The following ATG101 variants were observed in gnomAD, a reference collection of about 807,000 sequenced individuals.
The protein encoded by ATG101 is autophagy-related protein 101.
In ATG101, 6 loss-of-function variants were observed where a neutral mutation model predicts 16.7. The observed-to-expected ratio is 0.36, with a 90% CI of 0.20 to 0.71. The LOEUF is 0.71. Among genes scored for constraint, ATG101 ranks in the 30% least tolerant of loss-of-function variants. ATG101 has a pLI of 0.57. For synonymous variants in ATG101, 108 were observed against 118.1 expected (o/e 0.91, Z 0.56); for missense variants, 200 against 292.5 (o/e 0.68, Z 2.31).
chr12:52,073,939 A>C (rs1172041066), intron 3 of ATG101, 37 bp downstream of exon 3: 1 of 1,604,072 alleles, frequency 6.2e-7, no homozygotes, highest in Non-Finnish European at 8.5e-7. Context: ...AGGGTGTGGC[A>C]TAGCAGATGG....
intron 2 of ATG101, among the ~76,000 whole-genome samples, chr12:52,072,091 A>C (rs1939659180): frequency 6.6e-6 from 1 of 152,232 alleles, no homozygotes; most frequent in Admixed American, 6.5e-5. Flanking sequence ...ATAGCAGCTA[A>C]TACTTAGTGG....
intron 2 of ATG101, 80 bp downstream of exon 2, chr12:52,070,563 G>A (rs540004509): frequency 1.3e-5 from 2 of 152,512 alleles, no homozygotes; most frequent in Non-Finnish European, 2.9e-5. Flanking sequence ...GGACAAGAGG[G>A]ACGAGACTTT....
At chr12:52,070,759 C>G (rs938431584) in intron 2 of ATG101, 4 of 152,174 alleles carry the variant, frequency 2.6e-5, no homozygotes, top group African/African-American at 9.7e-5. Context: ...GCTTGGGGCA[C>G]AAGTGAGATG....
In ATG101 at chr12:52,076,923, C is replaced by G. The variant is rs377054371; in HGVS notation, c.390C>G (p.Ala130=). The change falls in exon 4 of 4, where the codon GCC becomes GCG. Residue 130 remains alanine, a synonymous_variant. Coordinates refer to ENST00000336854, the MANE Select transcript of ATG101 (RefSeq NM_021934.5). ...GGACGGTCAAGGTGCATGTGGTAGCCCTGGCCACGGAGCAGGAGCGGCAGA... is the reference window on the plus strand; with the variant it reads ...GGACGGTCAAGGTGCATGTGGTAGCGCTGGCCACGGAGCAGGAGCGGCAGA... ...EVWTVKVHVV[A]LATEQERQIC... The G allele has an allele frequency of 1.7e-5, 28 of 1,614,150 alleles. No individual in the cohort carries two copies. Among genetic ancestry groups the G allele is most frequent in the Middle Eastern group, 3.3e-4 (2 of 6,062 alleles).
At chr12:52,067,514 C>T (rs1032679253), upstream of ATG101, among the ~76,000 whole-genome samples, 5 of 152,112 alleles carry the variant, frequency 3.3e-5, no homozygotes, top group African/African-American at 1.2e-4. Context: ...AAAGAGCTTT[C>T]GATTTGAACT....
rs1045268839 is a variant in ATG101 at position 52,077,429 on chromosome 12, T to C, written c.*239T>C. 1.2e-5 allele frequency: 7 copies of C among 562,542 alleles called. No individual in the cohort carries two copies. The Admixed American group carries it at 1.8e-4, about 15-fold the overall frequency. The allele number at this position is 562,542 out of a possible 1,614,324, so 34.8% of individuals were successfully genotyped here. On this transcript the variant is annotated 3_prime_UTR_variant, in exon 4 of 4. Transcript: ENST00000336854. ...ATAGCCCTGGTGGGGTCCCCCTTCT[T>C]TCTCCACTGTACAGAAGAGCCACCA...
intron 3 of ATG101, among the ~76,000 whole-genome samples, chr12:52,075,014 G>A (rs1939710903): frequency 6.6e-6 from 1 of 152,046 alleles, no homozygotes; most frequent in Non-Finnish European, 1.5e-5. Flanking sequence ...GCCCAGGCTG[G>A]TCTTGAACTA....
At chr12:52,066,857 G>T (rs1939556968), upstream of ATG101, among the ~76,000 whole-genome samples, 1 of 152,098 alleles carries the variant, frequency 6.6e-6, no homozygotes. Flanking sequence ...GCAGTCTCTG[G>T]GGATGGGCTC....
At position 52,075,774 on chromosome 12, in the gene ATG101, C is replaced by G. The variant is rs1026650763; in HGVS notation, c.253-1012C>G. On this transcript the variant is annotated intron_variant, in intron 3 of 3. Coordinates refer to ENST00000336854, the MANE Select transcript of ATG101 (RefSeq NM_021934.5). ...GGGAGAAGTGCCAGGTCTGGTCTGT[C>G]CTTCAACTTCCCTTCCCCATTCTGT... Among the ~76,000 whole-genome samples, 6 of 152,316 alleles carry G rather than the reference C, an allele frequency of 3.9e-5. No homozygotes were observed. The East Asian group carries it at 5.8e-4, about 15-fold the overall frequency.
At chr12:52,070,775 C>T (rs1312420420) in intron 2 of ATG101, 1 of 152,244 alleles carries the variant, frequency 6.6e-6, no homozygotes, top group African/African-American at 2.4e-5. Context: ...AGATGTGTGG[C>T]TTGTGTGAAC....
At chr12:52,066,460 T>C (rs2120591385), upstream of ATG101, among the ~76,000 whole-genome samples, 1 of 152,250 alleles carries the variant, frequency 6.6e-6, no homozygotes, top group South Asian at 2.1e-4. Flanking sequence ...CCAATTCCAA[T>C]GTTAGGCTCA....
intron 2 of ATG101, among the ~76,000 whole-genome samples, chr12:52,072,533 G>A: frequency 6.6e-6 from 1 of 152,142 alleles, no homozygotes; most frequent in South Asian, 2.1e-4. Flanking sequence ...TGACTTCCGT[G>A]CCCAGCCTTT....
chr12:52,069,927 G>A, upstream of ATG101: 1 of 152,384 alleles, frequency 6.6e-6, no homozygotes. Flanking sequence ...TGCCCCCTCC[G>A]GGGCCGTGGG....
rs1939617963 is a variant in ATG101, at chr12:52,070,126, CG to C, written c.-319del. Reference sequence around the variant, plus strand: ...CTCCTGTGCCGGCGTGGGCATCCCCCGGGGCAGTGGAACGCGGGCGCTCCTC... The same window carrying C: ...CTCCTGTGCCGGCGTGGGCATCCCCCGGGCAGTGGAACGCGGGCGCTCCTC... On this transcript the variant is annotated 5_prime_UTR_variant, in exon 1 of 4. Transcript: ENST00000336854. The C allele has an allele frequency of 6.6e-6, 1 of 152,416 alleles. No homozygotes were observed. Among genetic ancestry groups the C allele is most frequent in the South Asian group, 2.1e-4 (1 of 4,838 alleles). 9.4% of individuals were successfully genotyped at this position (152,416 alleles called of 1,614,324 possible).
upstream of ATG101, among the ~76,000 whole-genome samples, chr12:52,068,863 C>T (rs980356405): frequency 2.6e-5 from 4 of 151,558 alleles, no homozygotes; most frequent in Admixed American, 1.3e-4. Context: ...TGGTGGTGGG[C>T]GCCTGTAGTC....
At chr12:52,068,622 G>A (rs1854559522), upstream of ATG101, among the ~76,000 whole-genome samples, 1 of 152,050 alleles carries the variant, frequency 6.6e-6, no homozygotes, top group Admixed American at 6.6e-5. Flanking sequence ...CTTCCAAAAT[G>A]TTGGGATCAC....
chr12:52,067,083 A>C (rs1939558601), upstream of ATG101, among the ~76,000 whole-genome samples: 1 of 152,124 alleles, frequency 6.6e-6, no homozygotes, highest in South Asian at 2.1e-4. Context: ...AAAGGGCAGA[A>C]CTGTGGGGAG....
intron 2 of ATG101, among the ~76,000 whole-genome samples, chr12:52,071,634 T>C (rs929115716): frequency 6.6e-6 from 1 of 152,074 alleles, no homozygotes; most frequent in Non-Finnish European, 1.5e-5. Flanking sequence ...CTGGGTAACA[T>C]GGCAAAACCC....
At chr12:52,076,217 C>T (rs1259967219) in intron 3 of ATG101, among the ~76,000 whole-genome samples, 1 of 152,038 alleles carries the variant, frequency 6.6e-6, no homozygotes, top group South Asian at 2.1e-4. Flanking sequence ...ATAGAGTTTA[C>T]AGGGGAAGAG....
Sources: allele counts gnomAD v4.1 joint callset (sites outside exome capture counted in the v4.1 genomes callset), GRCh38; gene constraint gnomAD v4.1.1; transcripts MANE v1.5; gene names NCBI Gene and HGNC (gene_info 2026-07-23, HGNC 2026-07-21).